The following RALGPS1 variants were observed in gnomAD, a reference collection of about 807,000 sequenced individuals.
RALGPS1 encodes ras-specific guanine nucleotide-releasing factor RalGPS1.
A neutral mutation model predicts 78.8 loss-of-function variants in RALGPS1; 19 were observed. The observed-to-expected ratio is 0.24, with a 90% CI of 0.17 to 0.35. The LOEUF (loss-of-function observed/expected upper bound fraction) is 0.35, where lower values mean the gene tolerates loss of function less well. Among genes scored for constraint, RALGPS1 ranks in the 10% least tolerant of loss-of-function variants. The pLI, the probability that RALGPS1 is intolerant of heterozygous loss-of-function variation, is 1.00. For missense variants in RALGPS1, 454 were observed against 688.3 expected, an observed-to-expected ratio of 0.66 and a Z score of 3.81; for synonymous variants, 228 against 256.3, an observed-to-expected ratio of 0.89 and a Z score of 1.06.
At chr9:127,004,437 A>T (rs180780940) in intron 4 of RALGPS1, among the ~76,000 whole-genome samples, 84 of 152,366 alleles carry the variant, frequency 5.5e-4, no homozygotes, top group African/African-American at 2.0e-3. Flanking sequence ...TGAGCCTGTA[A>T]TTGTTTTGAA....
At chr9:126,953,354 T>TGTGCATGTACAC (rs1251583627) in intron 1 of RALGPS1, among the ~76,000 whole-genome samples, 1 of 151,904 alleles carries the variant, frequency 6.6e-6, no homozygotes, top group African/African-American at 2.4e-5. Flanking sequence ...AGAGTATGTG[T>TGTGCATGTACAC]GTGCATGTAC....
rs907928089 is a variant in RALGPS1 at position 126,956,648 on chromosome 9, A to T, written c.-65-5577A>T. Among the ~76,000 whole-genome samples, 3 of 152,102 alleles carry T rather than the reference A, an allele frequency of 2.0e-5. No homozygotes were observed. In the East Asian group the frequency reaches 5.8e-4, roughly 29 times the overall value. ...TGTACTTGGACCCCTGGACTCAGCT[A>T]TGCTCCCTGGGGAGCCTGGAACCCA... is the stretch of plus-strand genomic sequence containing the variant. On this transcript the variant is annotated intron_variant, in intron 1 of 18. Transcript: ENST00000259351.
At chr9:127,068,947 C>T (rs556364667) in intron 7 of RALGPS1, among the ~76,000 whole-genome samples, 10 of 152,324 alleles carry the variant, frequency 6.6e-5, no homozygotes, top group Non-Finnish European at 8.8e-5. Context: ...GGTAAACTGA[C>T]GTGGCACACT....
intron 1 of RALGPS1, among the ~76,000 whole-genome samples, chr9:126,946,533 CAAA>C (rs61279292): frequency 1.3e-4 from 10 of 76,220 alleles, no homozygotes; most frequent in East Asian, 4.2e-4. Flanking sequence ...GAATCTGTCT[CAAA>C]AAAAAAAAAA....
rs1278091451 is a variant in RALGPS1, at chr9:127,218,053, A to G, written c.1645-687A>G. Among the ~76,000 whole-genome samples, 2 of 152,190 alleles carry G rather than the reference A, an allele frequency of 1.3e-5. No individual in the cohort carries two copies. The highest frequency in any genetic ancestry group is 2.9e-5 in the Non-Finnish European group (2 of 68,028). On this transcript the variant is annotated intron_variant, in intron 18 of 18. Transcript: ENST00000259351. The surrounding 1 kb of genome is among the most constrained non-coding windows in gnomAD (Gnocchi z 4.4). ...CCTAATTCATAGTTTGACCAAACTG[A>G]CACCAAAATGGATTTTTTTAAATGA...
At chr9:127,178,525 A>G in intron 11 of RALGPS1, 1 of 985,004 alleles carries the variant, frequency 1.0e-6, no homozygotes, top group Non-Finnish European at 1.2e-6. Flanking sequence ...TCATATTGTG[A>G]TTCTGCCTCC....
At chr9:126,979,408 A>C (rs1019235193) in intron 4 of RALGPS1, among the ~76,000 whole-genome samples, 5 of 152,114 alleles carry the variant, frequency 3.3e-5, no homozygotes, top group African/African-American at 1.2e-4. Flanking sequence ...AACAACATCA[A>C]ATCACTGCCT....
chr9:126,969,643 G>T (rs758538170), intron 3 of RALGPS1, among the ~76,000 whole-genome samples: 2 of 152,156 alleles, frequency 1.3e-5, no homozygotes, highest in Non-Finnish European at 2.9e-5. Flanking sequence ...TTAGCTTCAT[G>T]AAAGAAGCAA....
chr9:127,100,335 C>T (rs2053590530), intron 8 of RALGPS1, among the ~76,000 whole-genome samples: 1 of 152,138 alleles, frequency 6.6e-6, no homozygotes, highest in African/African-American at 2.4e-5. Flanking sequence ...GCTCTTAGGG[C>T]CCAGAAAGGG....
At chr9:127,202,985 G>A (rs1644244264) in intron 14 of RALGPS1, among the ~76,000 whole-genome samples, 1 of 152,202 alleles carries the variant, frequency 6.6e-6, no homozygotes, top group Non-Finnish European at 1.5e-5. Context: ...CCAACCTCGG[G>A]CCCCTTGGAA....
intron 4 of RALGPS1, among the ~76,000 whole-genome samples, chr9:127,010,261 C>T (rs2044224927): frequency 6.6e-6 from 1 of 152,150 alleles, no homozygotes; most frequent in East Asian, 1.9e-4. Context: ...TGTCCTTCCT[C>T]ATCGCTTTCT....
intron 6 of RALGPS1, among the ~76,000 whole-genome samples, chr9:127,051,718 C>G (rs369751270): frequency 1.6e-4 from 24 of 152,282 alleles, no homozygotes; most frequent in African/African-American, 5.8e-4. Flanking sequence ...ATGCATTTCA[C>G]TAGGCCCTAC....
intron 1 of RALGPS1, among the ~76,000 whole-genome samples, chr9:126,929,535 T>G (rs963999941): frequency 1.3e-5 from 2 of 152,084 alleles, no homozygotes; most frequent in Non-Finnish European, 2.9e-5. Context: ...CACCGCAACC[T>G]CCACCTCCCA....
intron 4 of RALGPS1, among the ~76,000 whole-genome samples, chr9:126,983,711 C>G (rs540273761): frequency 6.6e-6 from 1 of 151,974 alleles, no homozygotes; most frequent in Admixed American, 6.6e-5. Flanking sequence ...CTCCCTCATG[C>G]GCTTAACTTA....
intron 14 of RALGPS1, among the ~76,000 whole-genome samples, chr9:127,207,541 T>G (rs1335108574): frequency 1.3e-5 from 2 of 152,226 alleles, no homozygotes; most frequent in African/African-American, 4.8e-5. Flanking sequence ...TTTCTGGGGT[T>G]CCTCTGATAC....
chr9:127,110,715 G>A (rs535098985), intron 8 of RALGPS1, among the ~76,000 whole-genome samples: 10 of 152,212 alleles, frequency 6.6e-5, no homozygotes, highest in Admixed American at 4.6e-4. Context: ...TGCTCAGGCC[G>A]AAAGTCTTGA....
At chr9:126,985,767 G>C (rs111330626) in intron 4 of RALGPS1, among the ~76,000 whole-genome samples, 1 of 152,174 alleles carries the variant, frequency 6.6e-6, no homozygotes, top group African/African-American at 2.4e-5. Context: ...GAAGCACCAG[G>C]ACAGAAAAGG....
At chr9:127,020,748 A>G in intron 4 of RALGPS1, among the ~76,000 whole-genome samples, 1 of 152,228 alleles carries the variant, frequency 6.6e-6, no homozygotes, top group East Asian at 1.9e-4. Context: ...GGGCATAGCT[A>G]CCGGCCATGG....
intron 4 of RALGPS1, chr9:126,989,933 C>T (rs1360607585): frequency 1.3e-6 from 2 of 1,550,530 alleles, no homozygotes; most frequent in Non-Finnish European, 8.7e-7. Context: ...CTGCAGAAGT[C>T]CACAGTTTCC....
Sources: allele counts gnomAD v4.1 joint callset (sites outside exome capture counted in the v4.1 genomes callset), GRCh38; gene constraint gnomAD v4.1.1; non-coding constraint Gnocchi (gnomAD v3.1); transcripts MANE v1.5; gene names NCBI Gene and HGNC (gene_info 2026-07-23, HGNC 2026-07-21).